Variants in SLC35F4 observed in about 807,000 individuals in gnomAD.
The protein encoded by SLC35F4 is solute carrier family 35 member F4.
SLC35F4 carries 24 observed loss-of-function variants against 44.2 expected under a neutral mutation model. The observed-to-expected ratio is 0.54, with a 90% CI of 0.39 to 0.76. SLC35F4 has a LOEUF of 0.76. SLC35F4 is among the 30% of genes least tolerant of loss of function. SLC35F4 has a pLI of 0.00. For missense variants in SLC35F4, 562 were observed against 586.1 expected (o/e 0.96, Z 0.42); for synonymous variants, 238 against 223.6 (o/e 1.06, Z -0.57).
chr14:57,819,171 T>C (rs1882909735), intron 1 of SLC35F4, among the ~76,000 whole-genome samples: 1 of 152,136 alleles, frequency 6.6e-6, no homozygotes, highest in African/African-American at 2.4e-5. Flanking sequence ...GATAAGAAGA[T>C]TGACCAAGTT....
chr14:57,742,588 G>A (rs542721966), intron 1 of SLC35F4, among the ~76,000 whole-genome samples: 9 of 152,144 alleles, frequency 5.9e-5, no homozygotes, highest in East Asian at 1.9e-4. Flanking sequence ...TCTTAGAGAC[G>A]TACAAAGAGA....
At chr14:57,943,647 A>G (rs1251806064) in intron 1 of SLC35F4, among the ~76,000 whole-genome samples, 1 of 152,068 alleles carries the variant, frequency 6.6e-6, no homozygotes, top group Non-Finnish European at 1.5e-5. Context: ...CCTCCACACA[A>G]CCCAGAGGTA....
chr14:57,865,031 G>A (rs1269669085), intron 1 of SLC35F4, among the ~76,000 whole-genome samples: 1 of 151,490 alleles, frequency 6.6e-6, no homozygotes, highest in Non-Finnish European at 1.5e-5. Flanking sequence ...GGCGGGGGCG[G>A]GTGGCCCTGT....
chr14:57,742,757 CAACAG>C (rs2076646598), intron 1 of SLC35F4, among the ~76,000 whole-genome samples: 1 of 152,214 alleles, frequency 6.6e-6, no homozygotes, highest in African/African-American at 2.4e-5. Context: ...CACCCCAAAT[CAACAG>C]AACATATATT....
rs910522459 is a variant in SLC35F4 at position 57,865,064 on chromosome 14, C to T, written c.103+659G>A. 6.5e-4 allele frequency among the ~76,000 whole-genome samples: 98 copies of T among 150,480 alleles called. 1 individual carries two copies. The highest frequency in any genetic ancestry group is 2.3e-3 in the African/African-American group (95 of 41,098). On this transcript the variant is annotated intron_variant, in intron 1 of 7. Transcript: ENST00000556826. ...TGTCGCCTCCCCTTCTCAGACCCCC[C>T]CCCCCCACGCCCCCAGTCTTTTGCA...
chr14:57,631,657 A>C (rs2072781617), intron 1 of SLC35F4, among the ~76,000 whole-genome samples: 1 of 152,108 alleles, frequency 6.6e-6, no homozygotes, highest in South Asian at 2.1e-4. Context: ...GGTACCAAGA[A>C]ATTTAAAGTA....
At chr14:57,761,650 A>T (rs916104296) in intron 1 of SLC35F4, among the ~76,000 whole-genome samples, 1 of 152,204 alleles carries the variant, frequency 6.6e-6, no homozygotes, top group African/African-American at 2.4e-5. Context: ...CATGAAGTCA[A>T]TAAAGCAGAT....
At chr14:57,777,175 G>T (rs2077509327) in intron 1 of SLC35F4, among the ~76,000 whole-genome samples, 1 of 152,208 alleles carries the variant, frequency 6.6e-6, no homozygotes, top group African/African-American at 2.4e-5. Context: ...TTACACTGTT[G>T]GTGCGAGTGT....
intron 1 of SLC35F4, among the ~76,000 whole-genome samples, chr14:57,758,885 C>G (rs1164059855): frequency 1.3e-5 from 2 of 152,142 alleles, no homozygotes; most frequent in Non-Finnish European, 2.9e-5. Context: ...AACAGGAACT[C>G]TCCATTTCCC....
intron 1 of SLC35F4, among the ~76,000 whole-genome samples, chr14:57,711,609 G>A (rs1017676176): frequency 6.8e-6 from 1 of 148,080 alleles, no homozygotes; most frequent in African/African-American, 2.4e-5. Context: ...ACCACCATTT[G>A]TTATGGTGCT....
At chr14:57,566,679 C>A in intron 6 of SLC35F4, 115 bp from the exon 7 acceptor site, 6 of 985,566 alleles carry the variant, frequency 6.1e-6, no homozygotes, top group South Asian at 1.5e-5. Context: ...ACTGTCTATA[C>A]CTTTGATCCT....
At chr14:57,854,946 T>G (rs1266654439) in intron 1 of SLC35F4, among the ~76,000 whole-genome samples, 2 of 152,250 alleles carry the variant, frequency 1.3e-5, no homozygotes, top group African/African-American at 4.8e-5. Context: ...TGTAGCATAA[T>G]TTTTAATAAC....
At chr14:57,944,175 A>C (rs1889966888) in intron 1 of SLC35F4, among the ~76,000 whole-genome samples, 1 of 152,198 alleles carries the variant, frequency 6.6e-6, no homozygotes, top group Non-Finnish European at 1.5e-5. Context: ...CAGTATCGTC[A>C]AGTACCAGGC....
chr14:57,885,945 A>T (rs1888635282), intron 1 of SLC35F4, among the ~76,000 whole-genome samples: 1 of 152,202 alleles, frequency 6.6e-6, no homozygotes, highest in African/African-American at 2.4e-5. Context: ...AAGTATTCCC[A>T]CTAGGGTGTA....
At chr14:57,589,130 A>G in intron 3 of SLC35F4, 86 bp downstream of exon 3, 1 of 1,439,362 alleles carries the variant, frequency 6.9e-7, no homozygotes, top group African/African-American at 1.4e-5. Context: ...CAAAAAACTC[A>G]ACTCATATTC....
chr14:57,672,774 T>C (rs2074559569), intron 1 of SLC35F4, among the ~76,000 whole-genome samples: 1 of 27,022 alleles, frequency 3.7e-5, no homozygotes, highest in South Asian at 2.4e-3. Flanking sequence ...AGAAGGTAAA[T>C]TTTATTTTAT....
chr14:57,879,232 T>G (rs932172303), intron 1 of SLC35F4, among the ~76,000 whole-genome samples: 1 of 152,132 alleles, frequency 6.6e-6, no homozygotes, highest in African/African-American at 2.4e-5. Flanking sequence ...TATTTTGAGT[T>G]TAAGGATCTT....
chr14:57,685,744 C>T (rs1594793338), intron 1 of SLC35F4, among the ~76,000 whole-genome samples: 1 of 152,052 alleles, frequency 6.6e-6, no homozygotes, highest in East Asian at 1.9e-4. Flanking sequence ...GGCTCTTTGC[C>T]CCAGAGACTA....
At chr14:57,712,001 A>G (rs1004867047) in intron 1 of SLC35F4, among the ~76,000 whole-genome samples, 17 of 152,202 alleles carry the variant, frequency 1.1e-4, no homozygotes, top group African/African-American at 4.1e-4. Flanking sequence ...CACTCTGTAC[A>G]TTACTTAGAG....
Sources: allele counts gnomAD v4.1 joint callset (sites outside exome capture counted in the v4.1 genomes callset), GRCh38; gene constraint gnomAD v4.1.1; transcripts MANE v1.5; gene names NCBI Gene and HGNC (gene_info 2026-07-23, HGNC 2026-07-21).